Variants in CPEB1 observed in about 807,000 individuals in gnomAD.
CPEB1 encodes the protein cytoplasmic polyadenylation element-binding protein 1.
A neutral mutation model predicts 65.8 loss-of-function variants in CPEB1; 7 were observed. That is an observed-to-expected ratio of 0.11 (90% CI 0.06 to 0.20). The LOEUF (loss-of-function observed/expected upper bound fraction) is 0.20, where lower values mean the gene tolerates loss of function less well. CPEB1 is among the 10% of genes least tolerant of loss of function. CPEB1 has a pLI of 1.00. For synonymous variants in CPEB1, 262 were observed against 260.0 expected (o/e 1.01, Z -0.08); for missense variants, 551 against 712.2 (o/e 0.77, Z 2.58).
intron 1 of CPEB1, among the ~76,000 whole-genome samples, chr15:82,636,131 C>T (rs1463227757): frequency 1.3e-5 from 2 of 152,208 alleles, no homozygotes; most frequent in African/African-American, 4.8e-5. Flanking sequence ...AACCACCACA[C>T]CTTCCTTGAT....
chr15:82,633,828 C>G (rs554058479), intron 1 of CPEB1, among the ~76,000 whole-genome samples: 94 of 152,246 alleles, frequency 6.2e-4, no homozygotes, highest in African/African-American at 2.2e-3. Flanking sequence ...TTCCCTCCTC[C>G]ACAAAGGAAA....
chr15:82,577,836 A>G (rs578124575), intron 3 of CPEB1, among the ~76,000 whole-genome samples: 217 of 152,126 alleles, frequency 1.4e-3, no homozygotes, highest in Non-Finnish European at 2.7e-3. Context: ...TCTGAAAAAT[A>G]TAGCATTGAT....
chr15:82,639,646 T>A (rs1481042046), intron 1 of CPEB1, among the ~76,000 whole-genome samples: 2 of 152,202 alleles, frequency 1.3e-5, no homozygotes, highest in African/African-American at 4.8e-5. Flanking sequence ...AAGTAACAGG[T>A]CTGACTGGTG....
chr15:82,626,173 C>T (rs992838768), intron 3 of CPEB1, among the ~76,000 whole-genome samples: 1 of 150,582 alleles, frequency 6.6e-6, no homozygotes, highest in African/African-American at 2.4e-5. Context: ...CAGTGGCTCA[C>T]ACCTATAATC....
chr15:82,573,052 CCT>C (rs1485743985), intron 3 of CPEB1: 25 of 1,535,258 alleles, frequency 1.6e-5, no homozygotes, highest in African/African-American at 2.7e-5. Flanking sequence ...CTTGTTCTCC[CCT>C]GTTGCAAGGA....
intron 4 of CPEB1, among the ~76,000 whole-genome samples, chr15:82,569,668 G>A (rs1462130923): frequency 6.6e-6 from 1 of 152,224 alleles, no homozygotes; most frequent in Non-Finnish European, 1.5e-5. Context: ...CAAGCCCCCA[G>A]TGGGGCACAC....
At chr15:82,610,060 C>CAA (rs34626642) in intron 3 of CPEB1, among the ~76,000 whole-genome samples, 2,166 of 106,160 alleles carry the variant, frequency 0.02, 37 homozygotes, top group East Asian at 0.032. Flanking sequence ...ACCTCCGTGG[C>CAA]AAAAAAAAAA....
At chr15:82,569,019 T>C (rs698500) in intron 4 of CPEB1, among the ~76,000 whole-genome samples, 61,770 of 151,984 alleles carry the variant, frequency 0.41, 12,590 homozygotes, top group South Asian at 0.49. Context: ...GAGACAACAG[T>C]GTAACAGGGT....
chr15:82,561,770 A>AT (rs1476174536), intron 4 of CPEB1, among the ~76,000 whole-genome samples: 1 of 152,130 alleles, frequency 6.6e-6, no homozygotes, highest in Non-Finnish European at 1.5e-5. Context: ...GCTTTGTCAA[A>AT]TTCCTGTACA....
At chr15:82,587,326 A>G (rs113528969) in intron 3 of CPEB1, among the ~76,000 whole-genome samples, 1,977 of 152,336 alleles carry the variant, frequency 0.013, 36 homozygotes, top group African/African-American at 0.044. Flanking sequence ...TAACTGTATT[A>G]TAAGAATCTC....
At chr15:82,616,019 A>G (rs2044674034) in intron 3 of CPEB1, among the ~76,000 whole-genome samples, 1 of 152,162 alleles carries the variant, frequency 6.6e-6, no homozygotes, top group Non-Finnish European at 1.5e-5. Context: ...CAAAGCAATT[A>G]AAATGTATTG....
chr15:82,637,052 A>G (rs951189980), intron 1 of CPEB1, among the ~76,000 whole-genome samples: 1 of 152,178 alleles, frequency 6.6e-6, no homozygotes, highest in Admixed American at 6.5e-5. Context: ...CTCTCCATAT[A>G]ATGCTTCTCT....
intron 3 of CPEB1, among the ~76,000 whole-genome samples, chr15:82,599,355 G>A (rs2042917399): frequency 6.6e-6 from 1 of 151,870 alleles, no homozygotes; most frequent in South Asian, 2.1e-4. Context: ...CTGAAATATT[G>A]AAATACAACA....
chr15:82,581,030 G>A (rs899433510), intron 3 of CPEB1, among the ~76,000 whole-genome samples: 1 of 151,926 alleles, frequency 6.6e-6, no homozygotes, highest in Admixed American at 6.6e-5. Context: ...TTTTAGAGAT[G>A]GAAGTCTCCC....
intron 4 of CPEB1, among the ~76,000 whole-genome samples, chr15:82,569,074 T>C (rs1218417776): frequency 2.6e-5 from 4 of 152,152 alleles, no homozygotes; most frequent in Non-Finnish European, 4.4e-5. Flanking sequence ...GTTGAAAGCC[T>C]CCTCCCTCAC....
upstream of CPEB1, chr15:82,648,458 G>A (rs1596158627): frequency 6.6e-6 from 1 of 152,434 alleles, no homozygotes; most frequent in South Asian, 2.1e-4. Context: ...TCTGCTCCGT[G>A]CGCTGCAGAG....
At chr15:82,603,155 G>A (rs900101494) in intron 3 of CPEB1, among the ~76,000 whole-genome samples, 5 of 151,872 alleles carry the variant, frequency 3.3e-5, no homozygotes, top group African/African-American at 1.2e-4. Context: ...CTGAAAACCA[G>A]CAACCTGCAT....
upstream of CPEB1, chr15:82,648,406 C>T (rs2047751505): frequency 6.6e-6 from 1 of 152,524 alleles, no homozygotes; most frequent in Admixed American, 6.5e-5. Flanking sequence ...TTGGTCGGAA[C>T]TGTAGCCCCT....
At position 82,543,667 on chromosome 15, in the gene CPEB1, A is replaced by G. The variant is rs1210711307; in HGVS notation, c.*925T>C. ...GCAGCCCTTTTTAGCTCAGTTACAAAAGAAAAAAGTCCTGTGACTTTGTGA... is the reference window on the plus strand; with the variant it reads ...GCAGCCCTTTTTAGCTCAGTTACAAGAGAAAAAAGTCCTGTGACTTTGTGA... On this transcript the variant is annotated 3_prime_UTR_variant, in exon 13 of 13. Transcript: ENST00000684509. The G allele has an allele frequency of 2.0e-5, 3 of 152,160 alleles. No homozygotes were observed. Among genetic ancestry groups the G allele is most frequent in the Admixed American group, 2.0e-4 (3 of 15,244 alleles). 9.4% of individuals were successfully genotyped at this position (152,160 alleles called of 1,614,324 possible). A position where few individuals can be genotyped will look rare whatever the true frequency, so the allele number is the denominator to read the frequency against.
Sources: allele counts gnomAD v4.1 joint callset (sites outside exome capture counted in the v4.1 genomes callset), GRCh38; gene constraint gnomAD v4.1.1; transcripts MANE v1.5; gene names NCBI Gene and HGNC (gene_info 2026-07-23, HGNC 2026-07-21).